ANO3: variants seen among roughly 807,000 people sequenced by gnomAD.
The protein encoded by ANO3 is anoctamin 3, also known as anoctamin-3.
A neutral mutation model predicts 144.8 loss-of-function variants in ANO3; 99 were observed. The ratio of observed to expected loss-of-function variants is 0.68; its 90% CI spans 0.58 to 0.81. The LOEUF (loss-of-function observed/expected upper bound fraction) is 0.81, where lower values mean the gene tolerates loss of function less well. ANO3 is among the 30% of genes least tolerant of loss of function. ANO3 has a pLI of 0.00. For missense variants in ANO3, 905 were observed against 1,202.2 expected (o/e 0.75, Z 3.66); for synonymous variants, 414 against 392.6 (o/e 1.05, Z -0.64).
intron 1 of ANO3, among the ~76,000 whole-genome samples, chr11:26,206,792 G>A (rs927632223): frequency 2.0e-5 from 3 of 152,144 alleles, no homozygotes; most frequent in Non-Finnish European, 4.4e-5. Flanking sequence ...CCAGCAAGGA[G>A]CATTTTAGTG....
chr11:26,338,879 A>G (rs534689958), intron 1 of ANO3, among the ~76,000 whole-genome samples: 1 of 152,274 alleles, frequency 6.6e-6, no homozygotes, highest in East Asian at 1.9e-4. Context: ...GAGCTGTAAC[A>G]CTCACCGCGA....
At chr11:26,449,454 CTCTCTCTCTGTCTGTCTG>C (rs1858830256) in intron 3 of ANO3, among the ~76,000 whole-genome samples, 1 of 115,090 alleles carries the variant, frequency 8.7e-6, no homozygotes, top group Non-Finnish European at 1.8e-5. Context: ...AGCATTCCCT[CTCTCTCTCTGTCTGTCTG>C]TCTCTCTCTC....
rs563158556 is a variant in ANO3 at position 26,347,667 on chromosome 11, C to G, written c.46+15346C>G. 1.6e-3 allele frequency among the ~76,000 whole-genome samples: 239 copies of G among 152,162 alleles called. 2 individuals are homozygous for G. Among genetic ancestry groups the G allele is most frequent in the African/African-American group, 5.6e-3 (232 of 41,530 alleles). ...CCCGTCCTTATTAATTCTTTAAGGACAGGGTGGTAAATTTTTCTGATTTTT... is the reference window on the plus strand; with the variant it reads ...CCCGTCCTTATTAATTCTTTAAGGAGAGGGTGGTAAATTTTTCTGATTTTT... On this transcript the variant is annotated intron_variant, in intron 1 of 26. Transcript: ENST00000256737.
chr11:26,614,298 G>C (rs952717050), intron 17 of ANO3, among the ~76,000 whole-genome samples: 11 of 152,196 alleles, frequency 7.2e-5, no homozygotes, highest in Non-Finnish European at 1.3e-4. Context: ...CCACTTTCCT[G>C]CTGTGCAGGT....
chr11:26,534,885 G>A (rs1449406581), intron 9 of ANO3, among the ~76,000 whole-genome samples: 1 of 152,150 alleles, frequency 6.6e-6, no homozygotes, highest in Non-Finnish European at 1.5e-5. Flanking sequence ...TCATGGGCTT[G>A]TTTGTAATAG....
intron 1 of ANO3, among the ~76,000 whole-genome samples, chr11:26,353,175 G>A (rs1855691809): frequency 6.6e-6 from 1 of 152,176 alleles, no homozygotes; most frequent in Non-Finnish European, 1.5e-5. Flanking sequence ...TCTTAGAACT[G>A]TGGTGCCACC....
chr11:26,499,907 T>G (rs927797298), intron 4 of ANO3, among the ~76,000 whole-genome samples: 1 of 151,918 alleles, frequency 6.6e-6, no homozygotes, highest in Non-Finnish European at 1.5e-5. Flanking sequence ...AATCTAATTT[T>G]AAAACATTTT....
chr11:26,540,931 C>G (rs754150088), intron 10 of ANO3, among the ~76,000 whole-genome samples: 2 of 152,114 alleles, frequency 1.3e-5, no homozygotes, highest in Admixed American at 6.6e-5. Context: ...TTTGACCCAG[C>G]AATCCTATTA....
intron 1 of ANO3, among the ~76,000 whole-genome samples, chr11:26,361,213 G>A (rs2219616): frequency 0.93 from 141,761 of 152,234 alleles, 66,174 homozygotes; most frequent in East Asian, 1. Context: ...TAAGAATTCC[G>A]GTGCCTTGAG....
chr11:26,492,968 A>G (rs1175652855), intron 4 of ANO3, among the ~76,000 whole-genome samples: 2 of 152,222 alleles, frequency 1.3e-5, no homozygotes, highest in African/African-American at 4.8e-5. Flanking sequence ...ATATGGTAGA[A>G]AGAAAAAGCT....
At chr11:26,343,176 T>C (rs1238872263) in intron 1 of ANO3, among the ~76,000 whole-genome samples, 2 of 152,200 alleles carry the variant, frequency 1.3e-5, no homozygotes, top group Admixed American at 1.3e-4. Context: ...TACTCTCTGC[T>C]TCTATAAGTT....
intron 10 of ANO3, among the ~76,000 whole-genome samples, chr11:26,538,461 T>C (rs1849566283): frequency 6.6e-6 from 1 of 152,102 alleles, no homozygotes; most frequent in Admixed American, 6.6e-5. Context: ...CCTGGAGGGG[T>C]AAATCTTATT....
At chr11:26,313,817 CT>C (rs1854560232) in intron 1 of ANO3, among the ~76,000 whole-genome samples, 1 of 150,670 alleles carries the variant, frequency 6.6e-6, no homozygotes. Context: ...TAAATGTATG[CT>C]TTTTGTGATT....
At position 26,553,325 on chromosome 11, in the gene ANO3, G is replaced by A. The variant is rs756076284; in HGVS notation, c.1366G>A (p.Asp456Asn). ...GAACTGCTCCCTGCAGAGACTCAAC[G>A]ACAGCTGTATCTATGCCAAGGTGAG... ...DKNCSLQRLN[D>N]SCIYAKVTYL... The change falls in exon 13 of 27, where the codon GAC (aspartate) becomes AAC (asparagine). Residue 456 changes from aspartate to asparagine, a missense_variant. Asp to Asn is a conservative substitution (Grantham distance 23). This residue lies in a region of ANO3 where 597 missense variants were observed against 865.1 expected (regional missense o/e 0.69). Coordinates refer to ENST00000256737, the MANE Select transcript of ANO3 (RefSeq NM_031418.4). The A allele has an allele frequency of 5.6e-6, 9 of 1,604,898 alleles. No homozygotes were observed. Among genetic ancestry groups the A allele is most frequent in the Admixed American group, 1.7e-5 (1 of 59,652 alleles).
chr11:26,635,206 A>G, intron 20 of ANO3, 136 bp downstream of exon 20: 1 of 676,772 alleles, frequency 1.5e-6, no homozygotes, highest in Non-Finnish European at 2.4e-6. Flanking sequence ...TCAGAAAGGA[A>G]GCAACTACAT....
intron 1 of ANO3, among the ~76,000 whole-genome samples, chr11:26,424,464 T>A (rs1202450641): frequency 6.6e-6 from 1 of 152,044 alleles, no homozygotes; most frequent in Non-Finnish European, 1.5e-5. Context: ...GACTCTGTTT[T>A]TCAGTGGCCT....
rs190744769 is a variant in ANO3, at chr11:26,217,005, A to T, written c.154+27675A>T. ...TTGTTCTGTAAATATTTTTCTCCGA[A>T]TCTGTAGCTTATGCTTTCATTCTCT... is the stretch of plus-strand genomic sequence containing the variant. On this transcript the variant is annotated intron_variant, in intron 1 of 27. Transcript: ENST00000672621. Among the ~76,000 whole-genome samples, 154 of 152,102 alleles carry T rather than the reference A, an allele frequency of 1.0e-3. 1 individual carries two copies. The highest frequency in any genetic ancestry group is 1.6e-4 in the Non-Finnish European group (11 of 67,914).
At chr11:26,433,653 T>TA (rs572653837) in intron 1 of ANO3, among the ~76,000 whole-genome samples, 23 of 151,974 alleles carry the variant, frequency 1.5e-4, no homozygotes, top group African/African-American at 5.5e-4. Context: ...TGAGATAATT[T>TA]AAAAAAATGT....
At chr11:26,312,210 T>C (rs1854516480) in intron 1 of ANO3, among the ~76,000 whole-genome samples, 1 of 152,272 alleles carries the variant, frequency 6.6e-6, no homozygotes, top group Admixed American at 6.5e-5. Context: ...TTCCATGGTG[T>C]ATATGTGCCA....
Sources: allele counts gnomAD v4.1 joint callset (sites outside exome capture counted in the v4.1 genomes callset), GRCh38; gene constraint gnomAD v4.1.1; regional missense constraint gnomAD v4.1.1; transcripts MANE v1.5; gene names NCBI Gene and HGNC (gene_info 2026-07-23, HGNC 2026-07-21).